NEIL2: variants seen among roughly 807,000 people sequenced by gnomAD.
NEIL2 encodes nei like DNA glycosylase 2.
Under a neutral mutation model 22.2 loss-of-function variants are expected in NEIL2, and 23 were observed. The ratio of observed to expected loss-of-function variants is 1.04; its 90% CI spans 0.75 to 1.47. NEIL2 has a LOEUF of 1.47. Ranked by LOEUF, NEIL2 falls within the 40% of genes most tolerant of loss-of-function variation. The pLI, the probability that NEIL2 is intolerant of heterozygous loss-of-function variation, is 0.00. For missense variants in NEIL2, 583 were observed against 404.7 expected (o/e 1.44, Z -3.78); for synonymous variants, 229 against 164.8 (o/e 1.39, Z -2.99).
intron 4 of NEIL2, among the ~76,000 whole-genome samples, chr8:11,784,204 C>A (rs931638779): frequency 6.6e-6 from 1 of 152,172 alleles, no homozygotes; most frequent in Non-Finnish European, 1.5e-5. Flanking sequence ...CAGGCACTTG[C>A]CTTGCATTTT....
intron 2 of NEIL2, among the ~76,000 whole-genome samples, chr8:11,776,260 C>G (rs574129571): frequency 2.6e-5 from 4 of 152,318 alleles, no homozygotes; most frequent in South Asian, 4.1e-4. Context: ...ACCATCAGAT[C>G]TTGTGAGACT....
chr8:11,781,915 T>A (rs983737775), intron 3 of NEIL2, among the ~76,000 whole-genome samples: 1 of 151,606 alleles, frequency 6.6e-6, no homozygotes. Flanking sequence ...TAAAATAAAA[T>A]TAACCGGGTG....
At chr8:11,773,674 A>G (rs1309415661) in intron 2 of NEIL2, among the ~76,000 whole-genome samples, 1 of 152,174 alleles carries the variant, frequency 6.6e-6, no homozygotes, top group Non-Finnish European at 1.5e-5. Context: ...AGGCGGGCCG[A>G]TGGAGGTGGA....
intron 1 of NEIL2, among the ~76,000 whole-genome samples, chr8:11,770,668 G>A (rs1803357905): frequency 6.6e-6 from 1 of 152,200 alleles, no homozygotes; most frequent in South Asian, 2.1e-4. Context: ...TTAGGCAGCT[G>A]CCCCGGGTGA....
chr8:11,784,030 C>T (rs1027154843), intron 4 of NEIL2, among the ~76,000 whole-genome samples: 2 of 148,136 alleles, frequency 1.4e-5, no homozygotes, highest in African/African-American at 5.0e-5. Flanking sequence ...ACTATGACAG[C>T]GTGGCGTTCT....
chr8:11,782,439 T>A (rs780567253), intron 3 of NEIL2, among the ~76,000 whole-genome samples: 1 of 152,048 alleles, frequency 6.6e-6, no homozygotes, highest in African/African-American at 2.4e-5. Context: ...AAAAACACAT[T>A]ATAAGTCAAA....
intron 3 of NEIL2, among the ~76,000 whole-genome samples, chr8:11,781,546 C>G (rs1367385437): frequency 2.0e-5 from 3 of 152,214 alleles, no homozygotes; most frequent in Non-Finnish European, 4.4e-5. Flanking sequence ...TAGTCACCAG[C>G]TGGAGGCATT....
intron 2 of NEIL2, 49 bp downstream of exon 2, chr8:11,771,634 C>A (rs199893199): frequency 1.3e-6 from 2 of 1,581,286 alleles, no homozygotes; most frequent in Non-Finnish European, 1.7e-6. Flanking sequence ...CATCCTGCGC[C>A]TCCCCTAGGA....
At chr8:11,781,604 T>C (rs8191619) in intron 3 of NEIL2, among the ~76,000 whole-genome samples, 2,892 of 152,334 alleles carry the variant, frequency 0.019, 172 homozygotes, top group East Asian at 0.11. Flanking sequence ...TCAGATATAG[T>C]GCCGTAGAGT....
Position 11,783,209 on chromosome 8 carries a change from C to G in NEIL2, c.498C>G (p.Val166=). The change falls in exon 4 of 5, where the codon GTC becomes GTG. Residue 166 remains valine, a synonymous_variant. Coordinates refer to ENST00000284503, the MANE Select transcript of NEIL2 (RefSeq NM_145043.4). The stretch of plus-strand genomic sequence containing the variant: ...ACCTGTTCTTTCTTCCCAGGTTGGT[C>G]CTGCACTTTGGTGGTGGTGGCTTCC... ...GDWRDPSPRL[V]LHFGGGGFLA... is the part of the protein sequence containing the mutation. The G allele has an allele frequency of 6.2e-7, 1 of 1,614,190 alleles. No individual in the cohort carries two copies. The highest frequency in any genetic ancestry group is 1.1e-5 in the South Asian group (1 of 91,078).
rs1804249022 is a variant in NEIL2, at chr8:11,779,832, G to A, written c.373G>A (p.Gly125Arg). The A allele has an allele frequency of 1.2e-6, 2 of 1,614,146 alleles. No individual in the cohort carries two copies. Among genetic ancestry groups the A allele is most frequent in the Non-Finnish European group, 1.7e-6 (2 of 1,179,996 alleles). ...SEYLERDAPA[G>R]DAGRWLRVSF... is the part of the protein sequence containing the mutation. Reference sequence around the variant, plus strand: ...GTATTTGGAGAGAGACGCCCCTGCAGGAGATGCTGGGAGGTGGCTGCGTGT... The same window carrying A: ...GTATTTGGAGAGAGACGCCCCTGCAAGAGATGCTGGGAGGTGGCTGCGTGT... Residue 125 changes from glycine (G) to arginine (R), a missense_variant, in exon 3 of 5, where the codon GGA becomes AGA. Gly to Arg is a moderately radical substitution (Grantham distance 125). Coordinates refer to ENST00000284503, the MANE Select transcript of NEIL2 (RefSeq NM_145043.4).
At position 11,776,752 on chromosome 8, in the gene NEIL2, C is replaced by A. The variant is rs1452643430; in HGVS notation, c.139-2846C>A. Among the ~76,000 whole-genome samples the A allele has an allele frequency of 2.6e-5, 4 of 152,256 alleles. No homozygotes were observed. In the East Asian group the frequency reaches 5.8e-4, roughly 22 times the overall value. ...TCACCTGGGGTCACGATGGGTAGGTCCCCTGGGTTCTCTCTTCCTTGGGGC... is the reference window on the plus strand; with the variant it reads ...TCACCTGGGGTCACGATGGGTAGGTACCCTGGGTTCTCTCTTCCTTGGGGC... On this transcript the variant is annotated intron_variant, in intron 2 of 4. Transcript: ENST00000284503.
At chr8:11,778,159 C>T (rs1804070204) in intron 2 of NEIL2, among the ~76,000 whole-genome samples, 1 of 152,120 alleles carries the variant, frequency 6.6e-6, no homozygotes, top group South Asian at 2.1e-4. Context: ...ACATTTTTGA[C>T]CTAGTAAATG....
At chr8:11,776,777 C>A (rs1302856911) in intron 2 of NEIL2, among the ~76,000 whole-genome samples, 1 of 152,168 alleles carries the variant, frequency 6.6e-6, no homozygotes, top group Non-Finnish European at 1.5e-5. Flanking sequence ...TTCCTTGGGG[C>A]TCCCCTCTGC....
chr8:11,779,493 C>G (rs8191609), intron 2 of NEIL2, 105 bp from the exon 3 acceptor site: 4 of 963,214 alleles, frequency 4.2e-6, no homozygotes, highest in East Asian at 4.8e-5. Flanking sequence ...GGAAGGCCCC[C>G]CAGGAGGGGT....
intron 3 of NEIL2, among the ~76,000 whole-genome samples, chr8:11,781,606 C>A (rs746344363): frequency 1.3e-5 from 2 of 152,160 alleles, no homozygotes; most frequent in Non-Finnish European, 2.9e-5. Context: ...AGATATAGTG[C>A]CGTAGAGTGA....
intron 2 of NEIL2, among the ~76,000 whole-genome samples, chr8:11,775,750 A>G (rs1803854615): frequency 6.6e-6 from 1 of 152,230 alleles, no homozygotes; most frequent in Non-Finnish European, 1.5e-5. Context: ...TCTCTAGGGC[A>G]GGGGCAAAAT....
At chr8:11,783,545 T>C in intron 4 of NEIL2, 146 bp downstream of exon 4, 1 of 717,786 alleles carries the variant, frequency 1.4e-6, no homozygotes, top group Non-Finnish European at 2.5e-6. Flanking sequence ...TTTCTTTTAC[T>C]TCCCTTGTTT....
At chr8:11,782,223 G>A (rs189572623) in intron 3 of NEIL2, among the ~76,000 whole-genome samples, 1 of 152,044 alleles carries the variant, frequency 6.6e-6, no homozygotes, top group Non-Finnish European at 1.5e-5. Context: ...AGGAGTTCGA[G>A]ACCAGCCTGG....
Sources: gnomAD v4.1 joint callset for allele counts (sites outside exome capture counted in the v4.1 genomes callset) on GRCh38, gnomAD v4.1.1 for gene constraint, MANE v1.5 for transcripts, NCBI Gene and HGNC (gene_info 2026-07-23, HGNC 2026-07-21) for gene names.